MAGI1: variants seen among roughly 807,000 people sequenced by gnomAD.
MAGI1 encodes the protein membrane associated guanylate kinase, WW and PDZ domain containing 1.
In MAGI1, 58 loss-of-function variants were observed where a neutral mutation model predicts 139.9. The observed-to-expected ratio is 0.41, with a 90% CI of 0.34 to 0.52. The LOEUF (loss-of-function observed/expected upper bound fraction) is 0.52. MAGI1 is among the 20% of genes least tolerant of loss of function. The probability of loss-of-function intolerance (pLI) is 0.12; values close to 1 mark genes in which losing one functional copy is unlikely to be tolerated. For synonymous variants in MAGI1, 812 were observed against 737.9 expected (o/e 1.10, Z -1.63); for missense variants, 1,874 against 1,901.6 (o/e 0.99, Z 0.27).
chr3:65,368,897 T>C (rs1941699583), intron 18 of MAGI1, among the ~76,000 whole-genome samples: 1 of 152,234 alleles, frequency 6.6e-6, no homozygotes, highest in Non-Finnish European at 1.5e-5. Context: ...TTGAACTTGA[T>C]TCAATCTGAT....
intron 5 of MAGI1, among the ~76,000 whole-genome samples, chr3:65,455,024 T>C (rs931627044): frequency 5.3e-5 from 8 of 152,182 alleles, no homozygotes; most frequent in African/African-American, 1.9e-4. Context: ...AGTTTTGCAC[T>C]AGAATCCACA....
intron 18 of MAGI1, among the ~76,000 whole-genome samples, chr3:65,366,943 C>G (rs1440131149): frequency 1.3e-5 from 2 of 152,188 alleles, no homozygotes; most frequent in African/African-American, 4.8e-5. Flanking sequence ...AGTTAACCAG[C>G]AGAACCAAGG....
chr3:65,770,414 C>T (rs1182564510), intron 1 of MAGI1, among the ~76,000 whole-genome samples: 2 of 152,166 alleles, frequency 1.3e-5, no homozygotes, highest in Non-Finnish European at 2.9e-5. Flanking sequence ...CATCCTGCCA[C>T]GTGCAGGAAG....
rs577921931 is a variant in MAGI1 at position 65,704,602 on chromosome 3, A to G, written c.314-82514T>C. On this transcript the variant is annotated intron_variant, in intron 1 of 22. Transcript: ENST00000402939. Reference sequence around the variant, plus strand: ...GCACCAAGAACTTGCACATTTGACAAAAGAGTCAATGGGGCTTATGTGGTT... The same window carrying G: ...GCACCAAGAACTTGCACATTTGACAGAAGAGTCAATGGGGCTTATGTGGTT... Among the ~76,000 whole-genome samples, 9 of 152,288 alleles carry G rather than the reference A, an allele frequency of 5.9e-5. No individual in the cohort carries two copies. In the East Asian group the frequency reaches 1.5e-3, roughly 26 times the overall value.
intron 2 of MAGI1, among the ~76,000 whole-genome samples, chr3:65,566,198 G>T (rs1257952298): frequency 6.6e-6 from 1 of 151,918 alleles, no homozygotes; most frequent in Non-Finnish European, 1.5e-5. Flanking sequence ...AGGCTGCAGT[G>T]AGCTGAGACT....
At chr3:65,383,117 C>G (rs1417068999) in intron 15 of MAGI1, among the ~76,000 whole-genome samples, 1 of 152,140 alleles carries the variant, frequency 6.6e-6, no homozygotes, top group Non-Finnish European at 1.5e-5. Context: ...CAATCACTGT[C>G]TCATAAGGCT....
intron 2 of MAGI1, among the ~76,000 whole-genome samples, chr3:65,534,995 C>A (rs1204859728): frequency 1.3e-5 from 2 of 152,034 alleles, no homozygotes; most frequent in Non-Finnish European, 2.9e-5. Flanking sequence ...GACAAGGCAC[C>A]ATATGGCCCA....
chr3:66,012,443 AT>A (rs1024849832), intron 1 of MAGI1, among the ~76,000 whole-genome samples: 4 of 152,102 alleles, frequency 2.6e-5, no homozygotes, highest in African/African-American at 9.7e-5. Flanking sequence ...CAAAAAAAAA[AT>A]ATTAAGACTC....
intron 9 of MAGI1, among the ~76,000 whole-genome samples, chr3:65,439,435 T>C (rs1451329698): frequency 1.3e-5 from 2 of 152,178 alleles, no homozygotes; most frequent in East Asian, 3.9e-4. Context: ...CATGAATTAG[T>C]CTGTAATTTT....
chr3:65,737,495 T>G (rs1463113002), intron 1 of MAGI1, among the ~76,000 whole-genome samples: 1 of 152,240 alleles, frequency 6.6e-6, no homozygotes, highest in Non-Finnish European at 1.5e-5. Flanking sequence ...AATCCAGCAA[T>G]GTGCTAAATA....
chr3:65,516,829 G>A (rs1003365728), intron 2 of MAGI1, among the ~76,000 whole-genome samples: 3 of 138,500 alleles, frequency 2.2e-5, no homozygotes, highest in Non-Finnish European at 3.1e-5. Context: ...CCGGGTTCAC[G>A]CCATTCTCCT....
At chr3:65,610,475 A>G (rs2082991239) in intron 2 of MAGI1, among the ~76,000 whole-genome samples, 1 of 151,986 alleles carries the variant, frequency 6.6e-6, no homozygotes, top group African/African-American at 2.4e-5. Flanking sequence ...CACTTTACCT[A>G]CAACTCAGGC....
At chr3:65,603,207 T>C (rs1374656021) in intron 2 of MAGI1, among the ~76,000 whole-genome samples, 1 of 152,134 alleles carries the variant, frequency 6.6e-6, no homozygotes, top group Non-Finnish European at 1.5e-5. Flanking sequence ...ATACCCTTTA[T>C]ACAACTCCAA....
intron 1 of MAGI1, among the ~76,000 whole-genome samples, chr3:65,869,920 G>T (rs781609116): frequency 6.6e-6 from 1 of 151,650 alleles, no homozygotes; most frequent in Non-Finnish European, 1.5e-5. Context: ...GTGCTGGCAC[G>T]CAGTAAGCGT....
rs1390237 is a variant in MAGI1, at chr3:65,837,262, G to A, written c.313+200734C>T. On this transcript the variant is annotated intron_variant, in intron 1 of 22. Coordinates refer to ENST00000402939, the MANE Select transcript of MAGI1 (RefSeq NM_001033057.2). Reference sequence around the variant, plus strand: ...AAAGGCAGATGTGTGCCTGCCTGGCGCTGCCCACCTCCATCAGGGCTGTCA... The same window carrying A: ...AAAGGCAGATGTGTGCCTGCCTGGCACTGCCCACCTCCATCAGGGCTGTCA... 5.3e-5 allele frequency among the ~76,000 whole-genome samples: 8 copies of A among 152,176 alleles called. No individual in the cohort carries two copies. The South Asian group carries it at 1.7e-3, about 32-fold the overall frequency.
intron 2 of MAGI1, among the ~76,000 whole-genome samples, chr3:65,545,001 A>G (rs2079429139): frequency 6.6e-6 from 1 of 152,192 alleles, no homozygotes; most frequent in South Asian, 2.1e-4. Flanking sequence ...AGGAGGATCT[A>G]TATCTTTGGA....
intron 1 of MAGI1, among the ~76,000 whole-genome samples, chr3:65,712,647 G>C (rs542999401): frequency 3.9e-5 from 6 of 152,024 alleles, no homozygotes; most frequent in African/African-American, 1.4e-4. Context: ...GAGTGGCCGG[G>C]ACTACAGGCA....
chr3:65,383,546 C>T lies in MAGI1; in HGVS notation c.2494G>A (p.Glu832Lys). ...GFGFRILGGN[E>K]PGEPIYIGHI... ...AAAAGACTCACAGGTTCCCCTGGTTCATTTCCACCCAGAATCCTAAATCCA... is the reference window on the plus strand; with the variant it reads ...AAAAGACTCACAGGTTCCCCTGGTTTATTTCCACCCAGAATCCTAAATCCA... The change falls in exon 15 of 23, where the codon GAA becomes AAA. Residue 832 changes from glutamate (E) to lysine (K), a missense_variant. By Grantham distance (56) the Glu-to-Lys change is moderately conservative. Around this residue, in one of 5 missense-constraint regions of MAGI1, gnomAD observed 482 missense variants for 509.6 expected, o/e 0.95. Transcript: ENST00000402939. The T allele has an allele frequency of 1.2e-6, 2 of 1,613,044 alleles. No homozygotes were observed. Among genetic ancestry groups the T allele is most frequent in the Non-Finnish European group, 1.7e-6 (2 of 1,178,986 alleles).
chr3:65,543,063 A>T (rs1181298895), intron 2 of MAGI1, among the ~76,000 whole-genome samples: 2 of 152,098 alleles, frequency 1.3e-5, no homozygotes, highest in Non-Finnish European at 2.9e-5. Flanking sequence ...AAGAAAAAAA[A>T]AACAAACAAC....
Sources: allele counts gnomAD v4.1 joint callset (sites outside exome capture counted in the v4.1 genomes callset), GRCh38; gene constraint gnomAD v4.1.1; regional missense constraint gnomAD v4.1.1; transcripts MANE v1.5; gene names NCBI Gene and HGNC (gene_info 2026-07-23, HGNC 2026-07-21).